CLEC16A: variants seen among roughly 807,000 people sequenced by gnomAD.
CLEC16A encodes the protein protein CLEC16A.
In CLEC16A, 51 loss-of-function variants were observed where a neutral mutation model predicts 109.5. That is an observed-to-expected ratio of 0.47 (90% CI 0.37 to 0.59). The LOEUF (loss-of-function observed/expected upper bound fraction) is 0.59, where lower values mean the gene tolerates loss of function less well. Ranked by LOEUF, CLEC16A falls within the 20% of genes least tolerant of loss-of-function variation. CLEC16A has a pLI of 0.00. For synonymous variants in CLEC16A, 673 were observed against 564.2 expected, an observed-to-expected ratio of 1.19 and a Z score of -2.73; for missense variants, 1,339 against 1,394.0, an observed-to-expected ratio of 0.96 and a Z score of 0.63.
At chr16:11,137,784 G>A (rs1200710253) in intron 22 of CLEC16A, among the ~76,000 whole-genome samples, 1 of 152,012 alleles carries the variant, frequency 6.6e-6, no homozygotes, top group African/African-American at 2.4e-5. Flanking sequence ...ACTCCAGCCT[G>A]GGTAACAGAG....
chr16:11,030,700 A>C (rs960096463), intron 13 of CLEC16A, among the ~76,000 whole-genome samples: 2 of 152,230 alleles, frequency 1.3e-5, no homozygotes, highest in Non-Finnish European at 2.9e-5. Context: ...GCCAGAATGC[A>C]ATGGTGCAAT....
chr16:11,160,762 T>C (rs895945769), intron 22 of CLEC16A, among the ~76,000 whole-genome samples: 1 of 152,206 alleles, frequency 6.6e-6, no homozygotes, highest in African/African-American at 2.4e-5. Context: ...AGTCAAGAGA[T>C]ACACAAAGAC....
At chr16:11,125,524 A>G (rs1412221989) in intron 21 of CLEC16A, among the ~76,000 whole-genome samples, 1 of 152,214 alleles carries the variant, frequency 6.6e-6, no homozygotes, top group African/African-American at 2.4e-5. Flanking sequence ...AGAGTTACAC[A>G]TGTACATGCA....
chr16:11,170,421 C>T (rs991239860), intron 23 of CLEC16A, among the ~76,000 whole-genome samples: 1 of 152,230 alleles, frequency 6.6e-6, no homozygotes, highest in African/African-American at 2.4e-5. Context: ...GGTTTTCCGC[C>T]TCCAGCCTGC....
rs566632823 is a variant in CLEC16A at position 10,961,080 on chromosome 16, C to T, written c.210-1375C>T. 2.0e-4 allele frequency among the ~76,000 whole-genome samples: 31 copies of T among 152,272 alleles called. No homozygotes were observed. In the South Asian group the frequency reaches 3.7e-3, roughly 18 times the overall value. On this transcript the variant is annotated intron_variant, in intron 2 of 23. Transcript: ENST00000409790. The surrounding 1 kb of genome is among the most constrained non-coding windows in gnomAD (Gnocchi z 4.3). ...CAATCCCCGGGGCAAGATCTAGGTA[C>T]AGGCATTTTAACAAGTTCCCAAGTT...
At chr16:11,146,973 G>C (rs907808601) in intron 22 of CLEC16A, among the ~76,000 whole-genome samples, 1 of 152,172 alleles carries the variant, frequency 6.6e-6, no homozygotes, top group Non-Finnish European at 1.5e-5. Context: ...CAGATGCTGA[G>C]TTAATGTCCA....
intron 19 of CLEC16A, among the ~76,000 whole-genome samples, chr16:11,062,893 G>C (rs2048560221): frequency 3.9e-5 from 6 of 151,914 alleles, no homozygotes; most frequent in Admixed American, 3.9e-4. Flanking sequence ...CTTGCTTTGG[G>C]GGGGTGGGGG....
chr16:11,134,521 A>G (rs1433780931), intron 22 of CLEC16A, among the ~76,000 whole-genome samples: 1 of 152,146 alleles, frequency 6.6e-6, no homozygotes, highest in African/African-American at 2.4e-5. Context: ...CATTTGCTTC[A>G]AGGCTGGCAT....
At chr16:11,033,267 G>C (rs2046846264) in intron 13 of CLEC16A, among the ~76,000 whole-genome samples, 1 of 152,110 alleles carries the variant, frequency 6.6e-6, no homozygotes, top group Non-Finnish European at 1.5e-5. Context: ...ACTAGGCTAG[G>C]GGTGAGGGGT....
intron 17 of CLEC16A, among the ~76,000 whole-genome samples, chr16:11,050,201 C>CTCA (rs1470437089): frequency 6.6e-6 from 1 of 152,228 alleles, no homozygotes; most frequent in Admixed American, 6.5e-5. Flanking sequence ...CAAAGTCACT[C>CTCA]TCACCATCAT....
At chr16:11,148,927 T>C (rs939354922) in intron 22 of CLEC16A, among the ~76,000 whole-genome samples, 2 of 152,124 alleles carry the variant, frequency 1.3e-5, no homozygotes, top group Non-Finnish European at 2.9e-5. Flanking sequence ...CTTCTATCCA[T>C]AGAAGGGCTC....
At chr16:11,134,397 A>G (rs1329572960) in intron 22 of CLEC16A, among the ~76,000 whole-genome samples, 1 of 152,260 alleles carries the variant, frequency 6.6e-6, no homozygotes, top group Non-Finnish European at 1.5e-5. Context: ...ACCACCCTGG[A>G]AGCTGGTATC....
intron 14 of CLEC16A, chr16:11,040,095 G>A (rs188903790): frequency 4.8e-5 from 24 of 498,168 alleles, no homozygotes; most frequent in Non-Finnish European, 2.1e-5. Context: ...CCCATCCCCT[G>A]CCACTTGGTA....
intron 21 of CLEC16A, among the ~76,000 whole-genome samples, chr16:11,125,535 C>T (rs1360190603): frequency 6.6e-6 from 1 of 152,202 alleles, no homozygotes; most frequent in East Asian, 1.9e-4. Context: ...TGTACATGCA[C>T]ATCCATATTT....
intron 7 of CLEC16A, 67 bp downstream of exon 7, chr16:10,973,128 C>G: frequency 6.6e-7 from 1 of 1,514,232 alleles, no homozygotes; most frequent in South Asian, 1.3e-5. Context: ...CTGTTTTCAT[C>G]AAGGAAAAAT....
chr16:11,038,986 G>A (rs1338216440), intron 13 of CLEC16A, among the ~76,000 whole-genome samples: 4 of 152,142 alleles, frequency 2.6e-5, no homozygotes, highest in Non-Finnish European at 5.9e-5. Context: ...TTAAAAGCTT[G>A]AGGGCACAAT....
intron 19 of CLEC16A, among the ~76,000 whole-genome samples, chr16:11,115,135 T>C (rs76742180): frequency 0.093 from 14,086 of 152,178 alleles, 692 homozygotes; most frequent in East Asian, 0.12. Context: ...ACAAACCCCA[T>C]TGACACTGAC....
At chr16:10,981,514 A>G (rs1318541686) in intron 9 of CLEC16A, among the ~76,000 whole-genome samples, 1 of 152,194 alleles carries the variant, frequency 6.6e-6, no homozygotes, top group Non-Finnish European at 1.5e-5. Flanking sequence ...TTTGAATTCT[A>G]TGTATTTGTT....
intron 3 of CLEC16A, among the ~76,000 whole-genome samples, chr16:10,963,944 C>A (rs1035642997): frequency 6.6e-6 from 1 of 152,222 alleles, no homozygotes; most frequent in East Asian, 1.9e-4. Context: ...CTGAGAAACC[C>A]TGGTTTGGTT....
Sources: gnomAD v4.1 joint callset for allele counts (sites outside exome capture counted in the v4.1 genomes callset) on GRCh38, gnomAD v4.1.1 for gene constraint, Gnocchi (gnomAD v3.1) non-coding constraint, MANE v1.5 for transcripts, NCBI Gene and HGNC (gene_info 2026-07-23, HGNC 2026-07-21) for gene names.